Variants in ERBB4 observed in about 807,000 individuals in gnomAD.
The protein encoded by ERBB4 is erb-b2 receptor tyrosine kinase 4.
Under a neutral mutation model 158.0 loss-of-function variants are expected in ERBB4, and 42 were observed. The ratio of observed to expected loss-of-function variants is 0.27; its 90% CI spans 0.21 to 0.34. The LOEUF is 0.34. Ranked by LOEUF, ERBB4 falls within the 10% of genes least tolerant of loss-of-function variation. ERBB4 has a pLI of 1.00. For synonymous variants in ERBB4, 583 were observed against 558.7 expected, an observed-to-expected ratio of 1.04 and a Z score of -0.61; for missense variants, 1,333 against 1,624.1, an observed-to-expected ratio of 0.82 and a Z score of 3.08.
chr2:212,186,418 T>C (rs550965593), intron 1 of ERBB4, among the ~76,000 whole-genome samples: 6 of 152,302 alleles, frequency 3.9e-5, no homozygotes, highest in South Asian at 4.1e-4. Flanking sequence ...TGAAAATGTG[T>C]TCATTAAACT....
intron 20 of ERBB4, among the ~76,000 whole-genome samples, chr2:211,499,975 G>T (rs949144544): frequency 6.6e-6 from 1 of 152,076 alleles, no homozygotes. Context: ...AATGCATAAT[G>T]ATGTACCCTA....
At chr2:211,525,370 C>T (rs1253615918) in intron 20 of ERBB4, among the ~76,000 whole-genome samples, 1 of 152,082 alleles carries the variant, frequency 6.6e-6, no homozygotes, top group Non-Finnish European at 1.5e-5. Flanking sequence ...TAGGATAGGG[C>T]AGTGTTCTAA....
At chr2:212,151,623 T>G (rs567175724) in intron 1 of ERBB4, among the ~76,000 whole-genome samples, 3 of 151,976 alleles carry the variant, frequency 2.0e-5, no homozygotes, top group African/African-American at 4.8e-5. Flanking sequence ...GCATGGTGGC[T>G]CGCGCCTGTA....
At chr2:212,110,313 G>A (rs569689529) in intron 2 of ERBB4, among the ~76,000 whole-genome samples, 271 of 152,178 alleles carry the variant, frequency 1.8e-3, no homozygotes, top group Middle Eastern at 6.8e-3. Flanking sequence ...AAATCCACCC[G>A]TCCCCAGTAT....
intron 2 of ERBB4, among the ~76,000 whole-genome samples, chr2:212,069,158 T>C (rs1018291171): frequency 6.6e-6 from 1 of 152,016 alleles, no homozygotes; most frequent in Non-Finnish European, 1.5e-5. Context: ...AATACACTTA[T>C]GAATACAGAT....
At chr2:211,482,082 G>A (rs1360238687) in intron 20 of ERBB4, among the ~76,000 whole-genome samples, 1 of 152,124 alleles carries the variant, frequency 6.6e-6, no homozygotes, top group African/African-American at 2.4e-5. Flanking sequence ...TCCCAGAGAA[G>A]GCAAAGCAAG....
chr2:211,550,727 TATATAC>T (rs1256730965), intron 20 of ERBB4, among the ~76,000 whole-genome samples: 5 of 140,074 alleles, frequency 3.6e-5, no homozygotes, highest in Non-Finnish European at 7.6e-5. Context: ...TATATATATA[TATATAC>T]ACACACACAC....
chr2:211,985,323 TG>T (rs979161626), intron 2 of ERBB4, among the ~76,000 whole-genome samples: 3 of 152,148 alleles, frequency 2.0e-5, no homozygotes, highest in African/African-American at 4.8e-5. Flanking sequence ...AATAATCTAT[TG>T]GAAAAAAAGT....
chr2:211,644,429 T>G (rs534259843), intron 16 of ERBB4, among the ~76,000 whole-genome samples: 1 of 146,588 alleles, frequency 6.8e-6, no homozygotes, highest in Non-Finnish European at 1.5e-5. Context: ...TGAATACAGA[T>G]TCACAGCCTC....
At chr2:211,908,445 T>C (rs1375978301) in intron 3 of ERBB4, among the ~76,000 whole-genome samples, 1 of 151,782 alleles carries the variant, frequency 6.6e-6, no homozygotes, top group South Asian at 2.1e-4. Flanking sequence ...TGAGGAATTT[T>C]GGCTCATAAA....
At chr2:211,971,989 T>A (rs186736065) in intron 2 of ERBB4, among the ~76,000 whole-genome samples, 20 of 152,304 alleles carry the variant, frequency 1.3e-4, no homozygotes, top group Non-Finnish European at 2.6e-4. Context: ...TGTTTGTGGA[T>A]AACATGATTC....
At chr2:212,113,613 CA>C (rs1356894327) in intron 2 of ERBB4, among the ~76,000 whole-genome samples, 4 of 129,844 alleles carry the variant, frequency 3.1e-5, no homozygotes, top group South Asian at 2.6e-4. Context: ...AGGAATTGGA[CA>C]TAAGGGATTT....
At chr2:211,538,929 G>A (rs1380542652) in intron 20 of ERBB4, among the ~76,000 whole-genome samples, 4 of 151,798 alleles carry the variant, frequency 2.6e-5, no homozygotes, top group African/African-American at 9.7e-5. Flanking sequence ...ATGCATTACT[G>A]TGTAACCAGT....
At chr2:212,080,577 G>A (rs2078409733) in intron 2 of ERBB4, among the ~76,000 whole-genome samples, 1 of 147,250 alleles carries the variant, frequency 6.8e-6, no homozygotes, top group South Asian at 2.1e-4. Flanking sequence ...CATAGCCTCA[G>A]AGTTCACCCA....
chr2:211,770,813 T>C (rs534934518), intron 4 of ERBB4, among the ~76,000 whole-genome samples: 1 of 152,316 alleles, frequency 6.6e-6, no homozygotes, highest in South Asian at 2.1e-4. Context: ...AATAGGGTTC[T>C]TTAAGTGCCT....
chr2:211,713,280 C>G (rs1313923615), intron 8 of ERBB4, among the ~76,000 whole-genome samples: 1 of 152,078 alleles, frequency 6.6e-6, no homozygotes, highest in Non-Finnish European at 1.5e-5. Flanking sequence ...TAACAGGCAA[C>G]TTTATTTCTG....
intron 20 of ERBB4, among the ~76,000 whole-genome samples, chr2:211,473,317 G>T (rs2064876511): frequency 1.3e-5 from 2 of 152,016 alleles, no homozygotes; most frequent in African/African-American, 2.4e-5. Context: ...AAGAGAGTAG[G>T]TCCCTGCCAA....
At chr2:211,774,073 A>ATTTTTTTTT (rs113991569) in intron 4 of ERBB4, among the ~76,000 whole-genome samples, 2 of 142,134 alleles carry the variant, frequency 1.4e-5, no homozygotes, top group Non-Finnish European at 1.5e-5. Context: ...ACCCCAACCA[A>ATTTTTTTTT]TTTTTTTTTT....
rs534793317 is a variant in ERBB4, at chr2:212,152,987, A to G, written c.83-28084T>C. On this transcript the variant is annotated intron_variant, in intron 1 of 27. Coordinates refer to ENST00000342788, the MANE Select transcript of ERBB4 (RefSeq NM_005235.3). ...AATCTCACGGGAACAGGTCCCAGCA[A>G]AGGTAAGAGACACTTAAGGAAAATG... Among the ~76,000 whole-genome samples, 5 of 152,306 alleles carry G rather than the reference A, an allele frequency of 3.3e-5. No individual in the cohort carries two copies. In the South Asian group the frequency reaches 1.0e-3, roughly 32 times the overall value.
Sources: allele counts gnomAD v4.1 joint callset (sites outside exome capture counted in the v4.1 genomes callset), GRCh38; gene constraint gnomAD v4.1.1; transcripts MANE v1.5; gene names NCBI Gene and HGNC (gene_info 2026-07-23, HGNC 2026-07-21).